LMNTD1: variants seen among roughly 807,000 people sequenced by gnomAD.
LMNTD1 encodes lamin tail domain-containing protein 1.
In LMNTD1, 35 loss-of-function variants were observed where a neutral mutation model predicts 50.9. That is an observed-to-expected ratio of 0.69 (90% CI 0.53 to 0.91). The LOEUF is 0.91. LMNTD1 is among the 40% of genes least tolerant of loss of function. The pLI is 0.00. For synonymous variants in LMNTD1, 153 were observed against 161.9 expected (o/e 0.94, Z 0.42); for missense variants, 470 against 475.5 (o/e 0.99, Z 0.11).
At chr12:25,605,676 A>C (rs370681403) in intron 1 of LMNTD1, among the ~76,000 whole-genome samples, 1 of 151,956 alleles carries the variant, frequency 6.6e-6, no homozygotes, top group South Asian at 2.1e-4. Context: ...TATTTCTGAG[A>C]GCTCTGTTCT....
chr12:25,515,852 T>G (rs1486719100), intron 8 of LMNTD1, among the ~76,000 whole-genome samples: 1 of 152,252 alleles, frequency 6.6e-6, no homozygotes, highest in East Asian at 1.9e-4. Context: ...GATTCTTCTG[T>G]AACTCAGCAA....
At chr12:25,546,066 A>G (rs773828582) in intron 4 of LMNTD1, among the ~76,000 whole-genome samples, 1 of 151,704 alleles carries the variant, frequency 6.6e-6, no homozygotes, top group South Asian at 2.1e-4. Context: ...TATATATATT[A>G]GATCCATCTA....
At chr12:25,594,743 T>A (rs1038918149) in intron 1 of LMNTD1, among the ~76,000 whole-genome samples, 2 of 150,334 alleles carry the variant, frequency 1.3e-5, no homozygotes, top group African/African-American at 4.9e-5. Context: ...ATACTAACTT[T>A]GAATGTAAAT....
intron 4 of LMNTD1, among the ~76,000 whole-genome samples, chr12:25,527,659 TATATATATATATATATATATATACACAC>T (rs1354289828): frequency 2.1e-4 from 5 of 23,984 alleles, no homozygotes; most frequent in Non-Finnish European, 4.6e-4. Flanking sequence ...TATATATATA[TATATATATATATATATATATATACACAC>T]ACACACACAC....
At chr12:25,639,045 G>T (rs1194255132) in intron 1 of LMNTD1, among the ~76,000 whole-genome samples, 1 of 152,142 alleles carries the variant, frequency 6.6e-6, no homozygotes, top group African/African-American at 2.4e-5. Context: ...TGACAAGGGT[G>T]CTAAGGCAAT....
chr12:25,524,392 G>C (rs1221905536), intron 6 of LMNTD1, among the ~76,000 whole-genome samples: 1 of 152,118 alleles, frequency 6.6e-6, no homozygotes, highest in East Asian at 1.9e-4. Context: ...TTCATTAGCA[G>C]GCACAGTTAC....
chr12:25,635,441 C>T (rs1252208643), intron 1 of LMNTD1, among the ~76,000 whole-genome samples: 1 of 152,012 alleles, frequency 6.6e-6, no homozygotes, highest in Non-Finnish European at 1.5e-5. Flanking sequence ...AATTGAAAGA[C>T]CTCTACAAGA....
intron 1 of LMNTD1, among the ~76,000 whole-genome samples, chr12:25,613,621 A>C (rs1293884098): frequency 6.6e-6 from 1 of 152,224 alleles, no homozygotes; most frequent in Non-Finnish European, 1.5e-5. Context: ...CAGTGCTCTG[A>C]ATAGTGTCTG....
intron 9 of LMNTD1, among the ~76,000 whole-genome samples, chr12:25,490,130 A>C (rs756376561): frequency 6.6e-6 from 1 of 152,098 alleles, no homozygotes; most frequent in Non-Finnish European, 1.5e-5. Context: ...CTTCTGTAAC[A>C]CTATCCCTTA....
chr12:25,523,530 G>A (rs1941494173), intron 6 of LMNTD1, among the ~76,000 whole-genome samples: 1 of 152,108 alleles, frequency 6.6e-6, no homozygotes, highest in African/African-American at 2.4e-5. Flanking sequence ...AGCAATTCCA[G>A]GGTCATGATG....
intron 1 of LMNTD1, among the ~76,000 whole-genome samples, chr12:25,581,005 A>G (rs1222420912): frequency 1.3e-5 from 2 of 152,212 alleles, no homozygotes; most frequent in Non-Finnish European, 2.9e-5. Flanking sequence ...GCTTTAGCCT[A>G]CTTGGAACTA....
Position 25,553,093 on chromosome 12 carries a change from A to G in LMNTD1, c.-55T>C, listed in dbSNP as rs1212296547. On this transcript the variant is annotated 5_prime_UTR_variant, in exon 1 of 10. An upstream start codon of the reference 5' UTR is lost. Transcript: ENST00000458174. ...CCTGTTAATCCAACTACCTTCAAGC[A>G]TCAGCTAGGTTTAATAATTTCTTTA... The G allele has an allele frequency of 4.3e-6, 7 of 1,613,734 alleles. No individual in the cohort carries two copies. The highest frequency in any genetic ancestry group is 3.4e-4 in the Middle Eastern group (2 of 5,874).
intron 9 of LMNTD1, among the ~76,000 whole-genome samples, chr12:25,479,733 T>C (rs185323699): frequency 4.6e-4 from 70 of 152,354 alleles, no homozygotes; most frequent in African/African-American, 1.6e-3. Context: ...CAAACTCATA[T>C]CTGGAGTAAG....
rs181581159 is a variant in LMNTD1, at chr12:25,591,058, C to T, written c.59-44504G>A. Reference sequence around the variant, plus strand: ...AAAGTGAAGGGAAAAGCAAAGGAGACTTTGTCTTGTACCTTAGGTACTAGC... The same window carrying T: ...AAAGTGAAGGGAAAAGCAAAGGAGATTTTGTCTTGTACCTTAGGTACTAGC... On this transcript the variant is annotated intron_variant, in intron 1 of 7. Transcript: ENST00000445693. Among the ~76,000 whole-genome samples the T allele has an allele frequency of 4.4e-3, 675 of 152,266 alleles. 5 individuals carry two copies. The highest frequency in any genetic ancestry group is 0.015 in the African/African-American group (630 of 41,544).
intron 1 of LMNTD1, among the ~76,000 whole-genome samples, chr12:25,642,478 G>C (rs1946975834): frequency 6.6e-6 from 1 of 152,098 alleles, no homozygotes; most frequent in South Asian, 2.1e-4. Flanking sequence ...TCCGATCTTG[G>C]ACTTCCCAGC....
chr12:25,518,041 G>T (rs1940942424), intron 8 of LMNTD1, among the ~76,000 whole-genome samples: 1 of 152,098 alleles, frequency 6.6e-6, no homozygotes, highest in Admixed American at 6.6e-5. Context: ...TTGGGATCTC[G>T]CTTAAGATTT....
At chr12:25,488,420 C>T (rs1382345560) in intron 9 of LMNTD1, among the ~76,000 whole-genome samples, 5 of 137,922 alleles carry the variant, frequency 3.6e-5, no homozygotes, top group Admixed American at 7.5e-5. Context: ...TCCAGTTGAT[C>T]GCATCGGCTC....
chr12:25,496,834 A>C (rs1472898967), intron 9 of LMNTD1, among the ~76,000 whole-genome samples: 1 of 152,038 alleles, frequency 6.6e-6, no homozygotes, highest in Admixed American at 6.6e-5. Context: ...ATCATCCCCA[A>C]CAGAGACTCT....
In LMNTD1 at chr12:25,476,704, A is replaced by T. The variant is rs1039615023; in HGVS notation, c.*23-244T>A. Among the ~76,000 whole-genome samples, 120 of 152,298 alleles carry T rather than the reference A, an allele frequency of 7.9e-4. 1 individual carries two copies. Among genetic ancestry groups the T allele is most frequent in the Non-Finnish European group, 2.4e-4 (16 of 68,016 alleles). ...GAGAGCTCTAGACTAAAGGATTTCT[A>T]TGATTTTCCCCAGTTTTGACCTTGA... On this transcript the variant is annotated intron_variant, in intron 9 of 9. Transcript: ENST00000458174.
Sources: allele counts gnomAD v4.1 joint callset (sites outside exome capture counted in the v4.1 genomes callset), GRCh38; gene constraint gnomAD v4.1.1; transcripts MANE v1.5; gene names NCBI Gene and HGNC (gene_info 2026-07-23, HGNC 2026-07-21).